Variants in RBFOX1 observed in about 807,000 individuals in gnomAD.
RBFOX1 encodes the protein RNA binding protein fox-1 homolog 1.
In RBFOX1, 8 loss-of-function variants were observed where a neutral mutation model predicts 57.7. The ratio of observed to expected loss-of-function variants is 0.14; its 90% CI spans 0.08 to 0.25. RBFOX1 has a LOEUF of 0.25. RBFOX1 is among the 10% of genes least tolerant of loss of function. The probability of loss-of-function intolerance (pLI) is 1.00; values close to 1 mark genes in which losing one functional copy is unlikely to be tolerated. For missense variants in RBFOX1, 611 were observed against 548.5 expected (o/e 1.11, Z -1.14); for synonymous variants, 326 against 222.4 (o/e 1.47, Z -4.15).
intron 2 of RBFOX1, among the ~76,000 whole-genome samples, chr16:6,624,991 C>G (rs2154050490): frequency 6.6e-6 from 1 of 151,566 alleles, no homozygotes; most frequent in East Asian, 2.0e-4. Context: ...ATGGTGAAAC[C>G]CCATCTCTAC....
chr16:6,412,790 G>A (rs577503809), intron 2 of RBFOX1, among the ~76,000 whole-genome samples: 4 of 152,180 alleles, frequency 2.6e-5, no homozygotes, highest in South Asian at 2.1e-4. Flanking sequence ...CAGTGAGCAA[G>A]AGTGTGGAAT....
intron 4 of RBFOX1, among the ~76,000 whole-genome samples, chr16:7,096,158 C>T (rs1307983076): frequency 6.6e-6 from 1 of 151,992 alleles, no homozygotes; most frequent in Non-Finnish European, 1.5e-5. Context: ...GTGAAGGAGA[C>T]AGATAAAACA....
At chr16:6,960,861 C>T (rs1033810731) in intron 3 of RBFOX1, among the ~76,000 whole-genome samples, 3 of 151,316 alleles carry the variant, frequency 2.0e-5, no homozygotes, top group African/African-American at 4.9e-5. Flanking sequence ...GGTCCGGGTG[C>T]AGTGGCTCAC....
Position 6,769,019 on chromosome 16 carries a change from G to A in RBFOX1, c.-16+114369G>A, listed in dbSNP as rs552775698. The stretch of plus-strand genomic sequence containing the variant: ...TGAGGTTACTGGCGTGAGCCACTGC[G>A]CCCAGCCAATATTACTTCTTTTTCT... On this transcript the variant is annotated intron_variant, in intron 3 of 15. Transcript: ENST00000550418. Among the ~76,000 whole-genome samples, 16 of 152,122 alleles carry A rather than the reference G, an allele frequency of 1.1e-4. No individual in the cohort carries two copies. The South Asian group carries it at 1.9e-3, about 18-fold the overall frequency.
At chr16:5,632,950 T>TTTC (rs1225599262) in intron 3 of RBFOX1, among the ~76,000 whole-genome samples, 1 of 150,174 alleles carries the variant, frequency 6.7e-6, no homozygotes, top group Non-Finnish European at 1.5e-5. Context: ...CTTTTTTTTT[T>TTTC]TTTTTTGAGG....
intron 1 of RBFOX1, among the ~76,000 whole-genome samples, chr16:6,180,316 A>T (rs550741251): frequency 6.6e-6 from 1 of 152,056 alleles, no homozygotes; most frequent in East Asian, 1.9e-4. Flanking sequence ...GTATAGGCTT[A>T]TTCAGATTTT....
intron 4 of RBFOX1, among the ~76,000 whole-genome samples, chr16:7,094,777 G>GTGTGTGTGGGT (rs1567232668): frequency 7.5e-5 from 4 of 53,602 alleles, no homozygotes; most frequent in Admixed American, 2.0e-4. Context: ...TGTGTGTGTG[G>GTGTGTGTGGGT]GTGTGTGTGT....
chr16:6,002,261 G>A (rs2060615119), intron 4 of RBFOX1, among the ~76,000 whole-genome samples: 1 of 152,152 alleles, frequency 6.6e-6, no homozygotes, highest in Non-Finnish European at 1.5e-5. Context: ...ATAGGCATGA[G>A]CGACCGCTCG....
At chr16:5,765,544 G>C (rs1325835917) in intron 3 of RBFOX1, among the ~76,000 whole-genome samples, 1 of 152,166 alleles carries the variant, frequency 6.6e-6, no homozygotes, top group Non-Finnish European at 1.5e-5. Context: ...TGAATACCTA[G>C]TGCCAGACAC....
At chr16:6,150,010 T>C (rs1239835963) in intron 1 of RBFOX1, among the ~76,000 whole-genome samples, 1 of 152,140 alleles carries the variant, frequency 6.6e-6, no homozygotes, top group Non-Finnish European at 1.5e-5. Context: ...GCTCCTGAAA[T>C]GTGAGCATTT....
At chr16:6,598,053 C>T (rs1038139093) in intron 2 of RBFOX1, among the ~76,000 whole-genome samples, 4 of 152,194 alleles carry the variant, frequency 2.6e-5, no homozygotes, top group African/African-American at 9.6e-5. Context: ...GTTATAGTCA[C>T]TTTGGTCAGG....
intron 3 of RBFOX1, among the ~76,000 whole-genome samples, chr16:6,810,688 C>G (rs568126617): frequency 1.3e-5 from 2 of 152,020 alleles, no homozygotes; most frequent in Non-Finnish European, 2.9e-5. Flanking sequence ...CCTCTGGAAA[C>G]GTACAATCAC....
chr16:5,720,053 A>G (rs1039409698), intron 3 of RBFOX1, among the ~76,000 whole-genome samples: 15 of 151,748 alleles, frequency 9.9e-5, no homozygotes, highest in Admixed American at 2.0e-4. Context: ...TGAAGCTTCA[A>G]TTTTTTTCAC....
At chr16:5,422,557 A>T in intron 1 of RBFOX1, among the ~76,000 whole-genome samples, 1 of 44,922 alleles carries the variant, frequency 2.2e-5, no homozygotes, top group Non-Finnish European at 4.1e-5. Context: ...GGGAGGGGGA[A>T]GAAAGGGGAG....
chr16:6,280,190 G>T (rs1215821458), intron 1 of RBFOX1, among the ~76,000 whole-genome samples: 1 of 152,166 alleles, frequency 6.6e-6, no homozygotes, highest in African/African-American at 2.4e-5. Flanking sequence ...CAGGCAGTCT[G>T]CAGGGTGGCA....
intron 1 of RBFOX1, among the ~76,000 whole-genome samples, chr16:6,283,942 G>A (rs1440401870): frequency 6.6e-6 from 1 of 152,202 alleles, no homozygotes; most frequent in Admixed American, 6.5e-5. Flanking sequence ...GAAAAGGAAG[G>A]TTTTCCAAGT....
At chr16:6,129,214 G>C (rs2096611878) in intron 1 of RBFOX1, among the ~76,000 whole-genome samples, 1 of 152,018 alleles carries the variant, frequency 6.6e-6, no homozygotes, top group Non-Finnish European at 1.5e-5. Context: ...ATGGATATTA[G>C]AATAATCAGA....
chr16:6,529,341 T>C (rs1414480488), intron 2 of RBFOX1, among the ~76,000 whole-genome samples: 2 of 152,062 alleles, frequency 1.3e-5, no homozygotes, highest in Admixed American at 6.6e-5. Flanking sequence ...GGCAGGCAGA[T>C]CAAGTTCAGA....
intron 3 of RBFOX1, among the ~76,000 whole-genome samples, chr16:6,678,805 A>G (rs1452348837): frequency 2.0e-5 from 3 of 152,168 alleles, no homozygotes; most frequent in Non-Finnish European, 4.4e-5. Flanking sequence ...TGAATAGCTG[A>G]TAAGGCTTGT....
Sources: gnomAD v4.1 joint callset for allele counts (sites outside exome capture counted in the v4.1 genomes callset) on GRCh38, gnomAD v4.1.1 for gene constraint, MANE v1.5 for transcripts, NCBI Gene and HGNC (gene_info 2026-07-23, HGNC 2026-07-21) for gene names.